Variants in CCDC157 observed in about 807,000 individuals in gnomAD.
The protein encoded by CCDC157 is coiled-coil domain-containing protein 157.
A neutral mutation model predicts 70.9 loss-of-function variants in CCDC157; 60 were observed. The observed-to-expected ratio is 0.85, with a 90% CI of 0.69 to 1.05. The LOEUF (loss-of-function observed/expected upper bound fraction) is 1.05, where lower values mean the gene tolerates loss of function less well. Ranked by LOEUF, CCDC157 falls within the 50% of genes least tolerant of loss-of-function variation. The pLI is 0.00. For synonymous variants in CCDC157, 373 were observed against 422.4 expected (o/e 0.88, Z 1.43); for missense variants, 943 against 984.2 (o/e 0.96, Z 0.56).
At chr22:30,356,721 G>A (rs925546970), upstream of CCDC157, 3 of 1,489,996 alleles carry the variant, frequency 2.0e-6, no homozygotes, top group African/African-American at 1.4e-5. Flanking sequence ...AGGGGCGGGG[G>A]AGAGGTACCT....
Position 30,369,565 on chromosome 22 carries a change from C to G in CCDC157, c.382C>G (p.Leu128Val), listed in dbSNP as rs751005377. 1.9e-6 allele frequency: 3 copies of G among 1,596,322 alleles called. No individual in the cohort carries two copies. The highest frequency in any genetic ancestry group is 2.6e-6 in the Non-Finnish European group (3 of 1,172,348). The change falls in exon 4 of 12, where the codon CTG (leucine) becomes GTG (valine). Residue 128 changes from leucine to valine, a missense_variant. Leu to Val is a conservative substitution (Grantham distance 32). Coordinates refer to ENST00000338306, the MANE Select transcript of CCDC157 (RefSeq NM_001017437.5). ...LTVRRFWDSLLRLGTLHQQPL... is the reference protein window; with the variant it reads ...LTVRRFWDSLVRLGTLHQQPL... ...GGTGCGGCGCTTCTGGGACAGCCTG[C>G]TGAGGCTGGGCACGCTCCACCAGCA...
chr22:30,376,171 C>T, intron 10 of CCDC157, 88 bp from the exon 11 acceptor site: 1 of 1,275,296 alleles, frequency 7.8e-7, no homozygotes. Context: ...GCCCTTCCCT[C>T]CCCATCCCTG....
intron 3 of CCDC157, among the ~76,000 whole-genome samples, chr22:30,367,969 T>A (rs768906288): frequency 2.0e-5 from 3 of 152,142 alleles, no homozygotes; most frequent in Non-Finnish European, 4.4e-5. Context: ...GAGAATTGCT[T>A]GAACCTAAGA....
At chr22:30,359,400 G>A (rs1027107216) in intron 1 of CCDC157, among the ~76,000 whole-genome samples, 3 of 152,184 alleles carry the variant, frequency 2.0e-5, no homozygotes, top group African/African-American at 7.2e-5. Flanking sequence ...GGGTGAAACT[G>A]GCACACACAA....
chr22:30,369,540 G>A lies in CCDC157; in HGVS notation c.357G>A (p.Thr119=), dbSNP rs555816649. The A allele has an allele frequency of 6.2e-6, 10 of 1,604,640 alleles. No homozygotes were observed. Among genetic ancestry groups the A allele is most frequent in the African/African-American group, 4.0e-5 (3 of 74,480 alleles). Residue 119 remains threonine (T), a synonymous_variant, in exon 4 of 12, where the codon ACG becomes ACA. Coordinates refer to ENST00000338306, the MANE Select transcript of CCDC157 (RefSeq NM_001017437.5). ...GGCCCTGCATGTCCGTGGGGCTCAC[G>A]GTGCGGCGCTTCTGGGACAGCCTGC... The part of the protein sequence containing the change: ...AAGPCMSVGL[T]VRRFWDSLLR...
chr22:30,361,447 G>A (rs79247733), intron 1 of CCDC157, among the ~76,000 whole-genome samples: 13,410 of 151,978 alleles, frequency 0.088, 788 homozygotes, highest in Admixed American at 0.16. Context: ...GACCTTCCTG[G>A]CGGCCTGCTT....
intron 9 of CCDC157, 122 bp downstream of exon 9, chr22:30,374,213 G>A (rs1161741541): frequency 1.7e-6 from 2 of 1,205,284 alleles, no homozygotes; most frequent in African/African-American, 3.0e-5. Context: ...TTAAAGCCAG[G>A]CGGCCAGCAG....
chr22:30,370,945 TCA>T lies in CCDC157; in HGVS notation c.1043_1044del (p.Thr348ArgfsTer4). ...TGGGAGCACGACAAACAGCAGCTGC[TCA>T]CAGGTCTGTGCCCCAGAGGCCAGAC... On this transcript the variant is annotated frameshift_variant, in exon 5 of 12. Transcript: ENST00000338306. LOFTEE classifies it high-confidence loss of function. 1 of 1,607,134 alleles carries T rather than the reference TCA, an allele frequency of 6.2e-7. No homozygotes were observed. The highest frequency in any genetic ancestry group is 8.5e-7 in the Non-Finnish European group (1 of 1,178,026).
At chr22:30,359,105 A>C (rs1246050766) in intron 1 of CCDC157, among the ~76,000 whole-genome samples, 1 of 152,234 alleles carries the variant, frequency 6.6e-6, no homozygotes, top group Non-Finnish European at 1.5e-5. Flanking sequence ...TGGTGCCTTC[A>C]CAAGCAAGCT....
At position 30,376,760 on chromosome 22, in the gene CCDC157, C is replaced by A. The variant is rs753698678; in HGVS notation, c.*15C>A. The A allele has an allele frequency of 1.9e-6, 3 of 1,600,950 alleles. No individual in the cohort carries two copies. In the South Asian group the frequency reaches 3.3e-5, roughly 18 times the overall value. On this transcript the variant is annotated 3_prime_UTR_variant, in exon 12 of 12. Transcript: ENST00000338306. Reference sequence around the variant, plus strand: ...GGCCCATGTAGCCTGTGGCCCAGGGCTGAGGCTGGATGGGAGGTGGCTGGC... The same window carrying A: ...GGCCCATGTAGCCTGTGGCCCAGGGATGAGGCTGGATGGGAGGTGGCTGGC...
Position 30,366,058 on chromosome 22 carries a change from G to A in CCDC157, c.58G>A (p.Asp20Asn), listed in dbSNP as rs773064591. Residue 20 changes from aspartate (D) to asparagine (N), a missense_variant, in exon 3 of 12, where the codon GAC (aspartate) becomes AAC (asparagine). By Grantham distance (23) the Asp-to-Asn change is conservative. Coordinates refer to ENST00000338306, the MANE Select transcript of CCDC157 (RefSeq NM_001017437.5). ...GGAGAGCCTGCGCACAGACCTCACCGACCTGCAGGGTGCCATCGTAGACGT... is the reference window on the plus strand; with the variant it reads ...GGAGAGCCTGCGCACAGACCTCACCAACCTGCAGGGTGCCATCGTAGACGT... ...CMESLRTDLT[D>N]LQGAIVDVFS... is the part of the protein sequence containing the mutation. The A allele has an allele frequency of 5.8e-5, 94 of 1,607,336 alleles. No homozygotes were observed. The highest frequency in any genetic ancestry group is 7.4e-5 in the Non-Finnish European group (87 of 1,179,852).
At chr22:30,367,784 C>G (rs756217605) in intron 3 of CCDC157, among the ~76,000 whole-genome samples, 1 of 151,922 alleles carries the variant, frequency 6.6e-6, no homozygotes, top group Admixed American at 6.6e-5. Context: ...CGTTGGCTCA[C>G]GTCTGTAATC....
At position 30,374,073 on chromosome 22, in the gene CCDC157, A is replaced by G. The variant is rs1933159000; in HGVS notation, c.1654A>G (p.Thr552Ala). 2.5e-6 allele frequency: 4 copies of G among 1,599,780 alleles called. No individual in the cohort carries two copies. The highest frequency in any genetic ancestry group is 1.1e-5 in the South Asian group (1 of 88,054). Residue 552 changes from threonine to alanine, a missense_variant, in exon 9 of 12, where the codon ACC (threonine) becomes GCC (alanine). By Grantham distance (58) the Thr-to-Ala change is moderately conservative. Transcript: ENST00000338306. Reference sequence around the variant, plus strand: ...GGCCTTCCCAGACCTGCACAGGCCCACCGAGACCCAGATCCATGGTAGGGG... The same window carrying G: ...GGCCTTCCCAGACCTGCACAGGCCCGCCGAGACCCAGATCCATGGTAGGGG... ...LVAFPDLHRP[T>A]ETQIHGGRSS...
chr22:30,373,488 AG>A (rs1193322712), intron 7 of CCDC157, 108 bp from the exon 8 acceptor site: 20 of 745,866 alleles, frequency 2.7e-5, no homozygotes, highest in African/African-American at 8.3e-5. Flanking sequence ...CACACACCCC[AG>A]GGGGGTAGCA....
chr22:30,372,191 G>A lies in CCDC157; in HGVS notation c.1240G>A (p.Gly414Ser). ...GGAGGCGCAGGTGCAGCTGTTGGTG[G>A]GTCGGCTGGAGGGCGCTGGCCAGCA... is the stretch of plus-strand genomic sequence containing the variant. The part of the protein sequence containing the change: ...QLEAQVQLLV[G>S]RLEGAGQQVC... Residue 414 changes from glycine (G) to serine (S), a missense_variant, in exon 7 of 12, where the codon GGT (glycine) becomes AGT (serine). Transcript: ENST00000338306. 6.3e-7 allele frequency: 1 copy of A among 1,591,222 alleles called. No individual in the cohort carries two copies.
At chr22:30,362,557 G>A (rs1932422773) in intron 2 of CCDC157, among the ~76,000 whole-genome samples, 1 of 152,200 alleles carries the variant, frequency 6.6e-6, no homozygotes, top group Non-Finnish European at 1.5e-5. Flanking sequence ...TAGAAAGAGA[G>A]GAAAAGGCTC....
In CCDC157 at chr22:30,378,635, T is replaced by A. The variant is rs967885604; in HGVS notation, c.*1890T>A. 1 of 151,786 alleles carries A rather than the reference T, an allele frequency of 6.6e-6. No individual in the cohort carries two copies. The highest frequency in any genetic ancestry group is 1.5e-5 in the Non-Finnish European group (1 of 68,084). The allele number at this position is 151,786 out of a possible 1,614,324, so 9.4% of individuals were successfully genotyped here. ...AAGAGTGAAACTCCATCTCAAGAAA[T>A]AAAAATAAAATAAATAAATAAAATC... On this transcript the variant is annotated 3_prime_UTR_variant, in exon 12 of 12. Coordinates refer to ENST00000338306, the MANE Select transcript of CCDC157 (RefSeq NM_001017437.5).
At chr22:30,375,353 A>C in intron 9 of CCDC157, 126 bp from the exon 10 acceptor site, 1 of 821,032 alleles carries the variant, frequency 1.2e-6, no homozygotes, top group Non-Finnish European at 2.0e-6. Flanking sequence ...GGGAAGGGGG[A>C]ATAAGGCCTC....
At chr22:30,356,682 G>A (rs1931869324), upstream of CCDC157, 6 of 1,374,808 alleles carry the variant, frequency 4.4e-6, no homozygotes, top group South Asian at 2.9e-5. Flanking sequence ...AGTAAGGAGC[G>A]CCCAGGCCAA....
Sources: gnomAD v4.1 joint callset for allele counts (sites outside exome capture counted in the v4.1 genomes callset) on GRCh38, gnomAD v4.1.1 for gene constraint, MANE v1.5 for transcripts, NCBI Gene and HGNC (gene_info 2026-07-23, HGNC 2026-07-21) for gene names.